The following SPOCK1 variants were observed in gnomAD, a reference collection of about 807,000 sequenced individuals.
SPOCK1 encodes SPARC (osteonectin), cwcv and kazal like domains proteoglycan 1.
SPOCK1 carries 23 observed loss-of-function variants against 55.3 expected under a neutral mutation model. The observed-to-expected ratio is 0.42, with a 90% CI of 0.30 to 0.59. The LOEUF (loss-of-function observed/expected upper bound fraction) is 0.59, where lower values mean the gene tolerates loss of function less well. Ranked by LOEUF, SPOCK1 falls within the 20% of genes least tolerant of loss-of-function variation. SPOCK1 has a pLI of 0.22. For synonymous variants in SPOCK1, 226 were observed against 221.0 expected, an observed-to-expected ratio of 1.02 and a Z score of -0.20; for missense variants, 499 against 552.5, an observed-to-expected ratio of 0.90 and a Z score of 0.97.
At chr5:136,981,379 T>TTTCATCTTATTCACTTTGTG (rs1750726955) in intron 9 of SPOCK1, among the ~76,000 whole-genome samples, 1 of 152,242 alleles carries the variant, frequency 6.6e-6, no homozygotes, top group African/African-American at 2.4e-5. Flanking sequence ...TGTTGTCTGC[T>TTTCATCTTATTCACTTTGTG]TTCATCTTAT....
At chr5:136,992,342 C>T in intron 7 of SPOCK1, 142 bp downstream of exon 7, 10 of 684,328 alleles carry the variant, frequency 1.5e-5, no homozygotes, top group Middle Eastern at 3.7e-4. Context: ...TTTTTTAATC[C>T]AACTTTTTTT....
chr5:137,436,871 T>C (rs1301912044), intron 2 of SPOCK1, among the ~76,000 whole-genome samples: 1 of 152,204 alleles, frequency 6.6e-6, no homozygotes, highest in Non-Finnish European at 1.5e-5. Context: ...CTAAGTAAAC[T>C]ACACCAAGCA....
intron 2 of SPOCK1, among the ~76,000 whole-genome samples, chr5:137,356,826 TATATATATATATAGAG>T (rs1177140013): frequency 0.068 from 1,307 of 19,166 alleles, 11 homozygotes; most frequent in Non-Finnish European, 0.1. Context: ...TATATATATA[TATATATATATATAGAG>T]AGAGAGAGAG....
intron 2 of SPOCK1, among the ~76,000 whole-genome samples, chr5:137,392,337 G>A (rs1751741737): frequency 6.6e-6 from 1 of 152,134 alleles, no homozygotes; most frequent in Non-Finnish European, 1.5e-5. Flanking sequence ...CCCAACGCCA[G>A]CCCACAACTT....
At chr5:136,987,222 C>T (rs7728942) in intron 8 of SPOCK1, among the ~76,000 whole-genome samples, 52,781 of 151,772 alleles carry the variant, frequency 0.35, 9,700 homozygotes, top group Non-Finnish European at 0.39. Context: ...CCATAAAATA[C>T]AGAGAAGCTT....
intron 3 of SPOCK1, among the ~76,000 whole-genome samples, chr5:137,193,378 G>C (rs1458526965): frequency 1.3e-5 from 2 of 152,128 alleles, no homozygotes; most frequent in African/African-American, 4.8e-5. Context: ...GTGATGGAAG[G>C]GGAGAAGGAA....
At chr5:137,083,514 A>G (rs541463195) in intron 5 of SPOCK1, among the ~76,000 whole-genome samples, 8 of 152,288 alleles carry the variant, frequency 5.3e-5, no homozygotes, top group African/African-American at 1.9e-4. Context: ...TTTGTTGACC[A>G]CCTATTATGG....
chr5:137,190,511 C>G (rs1316075755), intron 3 of SPOCK1, among the ~76,000 whole-genome samples: 1 of 152,112 alleles, frequency 6.6e-6, no homozygotes, highest in Non-Finnish European at 1.5e-5. Flanking sequence ...TATAATCCTA[C>G]TGCTTGGAAT....
In SPOCK1 at chr5:137,430,150, C is replaced by A. The variant is rs533589041; in HGVS notation, c.186+68223G>T. On this transcript the variant is annotated intron_variant, in intron 2 of 10. Coordinates refer to ENST00000394945, the MANE Select transcript of SPOCK1 (RefSeq NM_004598.4). ...TCTTACTACACAGAGGTGTGTTCAACATTCTAGCACACAGAGCCACATGGC... is the reference window on the plus strand; with the variant it reads ...TCTTACTACACAGAGGTGTGTTCAAAATTCTAGCACACAGAGCCACATGGC... 2.0e-5 allele frequency among the ~76,000 whole-genome samples: 3 copies of A among 152,378 alleles called. No homozygotes were observed. In the South Asian group the frequency reaches 6.2e-4, roughly 32 times the overall value.
intron 3 of SPOCK1, among the ~76,000 whole-genome samples, chr5:137,161,076 T>C (rs1754547985): frequency 6.8e-6 from 1 of 147,128 alleles, no homozygotes; most frequent in Non-Finnish European, 1.5e-5. Context: ...ATATCTCTAA[T>C]ATATATTACA....
chr5:137,142,246 A>G (rs1196631859), intron 3 of SPOCK1, among the ~76,000 whole-genome samples: 3 of 152,232 alleles, frequency 2.0e-5, no homozygotes, highest in Non-Finnish European at 4.4e-5. Flanking sequence ...GAAATGTCAC[A>G]GTGCCCTCAA....
Position 137,236,434 on chromosome 5 carries a change from C to T in SPOCK1, c.232+30576G>A, listed in dbSNP as rs1756183092. ...GCTGCCAAGGAAGGAGGACAGAACA[C>T]ATGTTATTGTTTAACAGTGGGTTAG... On this transcript the variant is annotated intron_variant, in intron 3 of 10. Coordinates refer to ENST00000394945, the MANE Select transcript of SPOCK1 (RefSeq NM_004598.4). 2.0e-5 allele frequency among the ~76,000 whole-genome samples: 3 copies of T among 152,250 alleles called. No individual in the cohort carries two copies. In the South Asian group the frequency reaches 6.2e-4, roughly 31 times the overall value.
chr5:137,452,432 TA>T (rs1270719113), intron 2 of SPOCK1, among the ~76,000 whole-genome samples: 1 of 152,216 alleles, frequency 6.6e-6, no homozygotes, highest in Middle Eastern at 3.2e-3. Context: ...ATTATTTAGT[TA>T]TCTTTTTCCC....
intron 2 of SPOCK1, among the ~76,000 whole-genome samples, chr5:137,370,179 C>A (rs922836386): frequency 3.3e-5 from 5 of 152,168 alleles, no homozygotes; most frequent in Admixed American, 1.3e-4. Flanking sequence ...CCTTCTCACC[C>A]GCTGCCTACC....
At chr5:137,146,518 A>G (rs2127055342) in intron 3 of SPOCK1, among the ~76,000 whole-genome samples, 1 of 152,290 alleles carries the variant, frequency 6.6e-6, no homozygotes, top group African/African-American at 2.4e-5. Context: ...ACTCCCAGTG[A>G]TTCATTAGGA....
At chr5:137,000,888 A>G (rs1369018193) in intron 6 of SPOCK1, among the ~76,000 whole-genome samples, 3 of 152,060 alleles carry the variant, frequency 2.0e-5, no homozygotes, top group Non-Finnish European at 4.4e-5. Flanking sequence ...TACAAAAATT[A>G]TCTGGGCTTG....
rs1435468597 is a variant in SPOCK1 at position 137,089,465 on chromosome 5, A to AGG, written c.475-21638_475-21637dup. Among the ~76,000 whole-genome samples the AGG allele has an allele frequency of 2.0e-5, 3 of 152,110 alleles. 1 individual carries two copies. On this transcript the variant is annotated intron_variant, in intron 5 of 10. Coordinates refer to ENST00000394945, the MANE Select transcript of SPOCK1 (RefSeq NM_004598.4). Reference sequence around the variant, plus strand: ...CACACCAGCTACAACATGATAGCAGAGGGCCTTGGAGCCAGTGACCTGAGG... The same window carrying AGG: ...CACACCAGCTACAACATGATAGCAGAGGGGGCCTTGGAGCCAGTGACCTGAGG...
In SPOCK1 at chr5:137,067,843, A is replaced by G. The variant is rs748532416; in HGVS notation, c.475-14T>C. The G allele has an allele frequency of 6.2e-7, 1 of 1,606,536 alleles. No homozygotes were observed. The highest frequency in any genetic ancestry group is 1.7e-5 in the Admixed American group (1 of 60,020). The stretch of plus-strand genomic sequence containing the variant: ...CTCCAATTTGCACTGCAAAAGAGAG[A>G]CACAACAGGTCTTAAGAATGCAGCC... On this transcript the variant is annotated splice_polypyrimidine_tract_variant and intron_variant, in intron 5 of 10. Transcript: ENST00000394945.
At chr5:136,988,901 T>C in intron 7 of SPOCK1, 1 of 366,104 alleles carries the variant, frequency 2.7e-6, no homozygotes, top group Non-Finnish European at 4.9e-6. Flanking sequence ...TGTTAACATA[T>C]CTGTGATATA....
Sources: allele counts gnomAD v4.1 joint callset (sites outside exome capture counted in the v4.1 genomes callset), GRCh38; gene constraint gnomAD v4.1.1; transcripts MANE v1.5; gene names NCBI Gene and HGNC (gene_info 2026-07-23, HGNC 2026-07-21).